Variants in ANKH observed in about 807,000 individuals in gnomAD.
ANKH encodes the protein mineralization regulator ANKH.
In ANKH, 15 loss-of-function variants were observed where a neutral mutation model predicts 49.0. The observed-to-expected ratio is 0.31, with a 90% CI of 0.20 to 0.47. The LOEUF (loss-of-function observed/expected upper bound fraction) is 0.47, where lower values mean the gene tolerates loss of function less well. Ranked by LOEUF, ANKH falls within the 20% of genes least tolerant of loss-of-function variation. The pLI is 1.00. For missense variants in ANKH, 429 were observed against 652.0 expected, an observed-to-expected ratio of 0.66 and a Z score of 3.72; for synonymous variants, 273 against 260.0, an observed-to-expected ratio of 1.05 and a Z score of -0.48.
chr5:14,751,987 T>C (rs1451161212), intron 4 of ANKH, among the ~76,000 whole-genome samples: 2 of 151,774 alleles, frequency 1.3e-5, no homozygotes, highest in Non-Finnish European at 2.9e-5. Flanking sequence ...TACAGGAAAA[T>C]AGACATTAAT....
chr5:14,847,579 C>A (rs1742001770), intron 1 of ANKH, among the ~76,000 whole-genome samples: 1 of 152,190 alleles, frequency 6.6e-6, no homozygotes, highest in Non-Finnish European at 1.5e-5. Context: ...TAGCTGTCCT[C>A]TGGATTAGTA....
intron 1 of ANKH, among the ~76,000 whole-genome samples, chr5:14,847,639 G>A (rs1742003560): frequency 6.6e-6 from 1 of 152,144 alleles, no homozygotes. Flanking sequence ...TGCTCAGGCT[G>A]CCAAAGCACA....
intron 1 of ANKH, among the ~76,000 whole-genome samples, chr5:14,811,917 A>G (rs977091888): frequency 4.6e-5 from 7 of 152,196 alleles, no homozygotes; most frequent in Admixed American, 3.3e-4. Context: ...TGAAGACCAC[A>G]GGACAAATAA....
chr5:14,855,832 A>G (rs1735221314), intron 1 of ANKH, among the ~76,000 whole-genome samples: 2 of 148,626 alleles, frequency 1.3e-5, no homozygotes, highest in African/African-American at 4.9e-5. Flanking sequence ...CCTAAGGTGG[A>G]AAAAAAAAAG....
chr5:14,847,073 T>C (rs2126616530), intron 1 of ANKH, among the ~76,000 whole-genome samples: 1 of 151,454 alleles, frequency 6.6e-6, no homozygotes, highest in Admixed American at 6.6e-5. Context: ...CAGGTTGCCT[T>C]ATGGGATGAA....
intron 1 of ANKH, among the ~76,000 whole-genome samples, chr5:14,865,230 A>G (rs977746612): frequency 6.6e-6 from 1 of 152,184 alleles, no homozygotes; most frequent in African/African-American, 2.4e-5. Context: ...ATTGCACTCC[A>G]GCCTGGGCAA....
intron 1 of ANKH, among the ~76,000 whole-genome samples, chr5:14,853,938 C>T (rs1742187350): frequency 6.6e-6 from 1 of 152,158 alleles, no homozygotes; most frequent in Admixed American, 6.5e-5. Context: ...CCAGATGGTT[C>T]TCTCCACTGT....
intron 7 of ANKH, 57 bp from the exon 8 acceptor site, chr5:14,741,979 C>T: frequency 7.5e-7 from 1 of 1,326,304 alleles, no homozygotes; most frequent in Admixed American, 1.7e-5. Flanking sequence ...GCTGAACCCA[C>T]CGGGGGATCT....
chr5:14,793,358 C>T (rs1017763429), intron 1 of ANKH, among the ~76,000 whole-genome samples: 6 of 151,756 alleles, frequency 4.0e-5, no homozygotes, highest in Admixed American at 1.3e-4. Context: ...AAGACCTAAC[C>T]CCTAAATGTT....
intron 1 of ANKH, among the ~76,000 whole-genome samples, chr5:14,838,786 T>C (rs1741733467): frequency 6.6e-6 from 1 of 152,140 alleles, no homozygotes; most frequent in African/African-American, 2.4e-5. Context: ...TTAATGAGCA[T>C]AACAAAACAC....
intron 1 of ANKH, among the ~76,000 whole-genome samples, chr5:14,793,080 A>AT (rs1458403571): frequency 8.7e-6 from 1 of 115,606 alleles, no homozygotes; most frequent in African/African-American, 3.8e-5. Flanking sequence ...AATATATAAA[A>AT]ATATATATAT....
intron 1 of ANKH, among the ~76,000 whole-genome samples, chr5:14,787,281 T>C (rs918697174): frequency 6.6e-6 from 1 of 150,628 alleles, no homozygotes; most frequent in Non-Finnish European, 1.5e-5. Flanking sequence ...GCCATTGCAC[T>C]CCAGCCTGGG....
At chr5:14,732,042 T>C (rs1738022409) in intron 8 of ANKH, among the ~76,000 whole-genome samples, 1 of 152,216 alleles carries the variant, frequency 6.6e-6, no homozygotes, top group Non-Finnish European at 1.5e-5. Context: ...CTTTCTCACC[T>C]GAGGACTTCA....
At position 14,798,244 on chromosome 5, in the gene ANKH, C is replaced by A. The variant is rs555293079; in HGVS notation, c.97-29053G>T. The A allele has an allele frequency of 2.0e-4, 318 of 1,605,284 alleles. 1 individual carries two copies. The African/African-American group carries it at 3.9e-3, about 20-fold the overall frequency. On this transcript the variant is annotated intron_variant, in intron 1 of 11. Coordinates refer to ENST00000284268, the MANE Select transcript of ANKH (RefSeq NM_054027.6). ...AAATCTTTCCCTTCTGGTCTGGTTACATCTGGAAGCCACTGGGCAGTTAGG... is the reference window on the plus strand; with the variant it reads ...AAATCTTTCCCTTCTGGTCTGGTTAAATCTGGAAGCCACTGGGCAGTTAGG...
At chr5:14,757,430 A>ATATATATATTTTTTTTT (rs1379233165) in intron 3 of ANKH, among the ~76,000 whole-genome samples, 21 of 113,768 alleles carry the variant, frequency 1.8e-4, no homozygotes, top group African/African-American at 6.0e-4. Context: ...ATATATATAT[A>ATATATATATTTTTTTTT]TTTTTTTTTT....
At chr5:14,750,550 G>A (rs1738678290) in intron 5 of ANKH, among the ~76,000 whole-genome samples, 1 of 152,196 alleles carries the variant, frequency 6.6e-6, no homozygotes, top group Non-Finnish European at 1.5e-5. Flanking sequence ...ATATGATGCT[G>A]CTTGAGGGTA....
At chr5:14,839,760 T>C (rs1233379944) in intron 1 of ANKH, among the ~76,000 whole-genome samples, 2 of 152,216 alleles carry the variant, frequency 1.3e-5, no homozygotes, top group Admixed American at 1.3e-4. Flanking sequence ...TTCAATATTC[T>C]AATTTTGCAC....
intron 1 of ANKH, among the ~76,000 whole-genome samples, chr5:14,786,847 TAATGA>T (rs1739993153): frequency 2.0e-5 from 3 of 152,158 alleles, no homozygotes; most frequent in African/African-American, 7.2e-5. Context: ...CCCCAGTACA[TAATGA>T]CATGTACAAA....
chr5:14,842,953 C>G (rs1450773947), intron 1 of ANKH, among the ~76,000 whole-genome samples: 1 of 152,180 alleles, frequency 6.6e-6, no homozygotes, highest in Non-Finnish European at 1.5e-5. Flanking sequence ...CTCCTCCATT[C>G]AGCATGCTGT....
Sources: allele counts gnomAD v4.1 joint callset (sites outside exome capture counted in the v4.1 genomes callset), GRCh38; gene constraint gnomAD v4.1.1; transcripts MANE v1.5; gene names NCBI Gene and HGNC (gene_info 2026-07-23, HGNC 2026-07-21).